Variants in GSE1 observed in about 807,000 individuals in gnomAD.
GSE1 encodes the protein Gse1 coiled-coil protein, also known as genetic suppressor element 1.
A neutral mutation model predicts 112.6 loss-of-function variants in GSE1; 32 were observed. That is an observed-to-expected ratio of 0.28 (90% CI 0.21 to 0.38). GSE1 has a LOEUF of 0.38. GSE1 is among the 10% of genes least tolerant of loss of function. The pLI is 1.00. For missense variants in GSE1, 2,348 were observed against 1,699.2 expected, an observed-to-expected ratio of 1.38 and a Z score of -6.71; for synonymous variants, 1,115 against 735.6, an observed-to-expected ratio of 1.52 and a Z score of -8.35.
At chr16:85,475,283 A>G (rs2050417121) in intron 2 of GSE1, among the ~76,000 whole-genome samples, 1 of 152,236 alleles carries the variant, frequency 6.6e-6, no homozygotes, top group Non-Finnish European at 1.5e-5. Context: ...GTGCAAGTAC[A>G]GACAAGTGCG....
intron 2 of GSE1, among the ~76,000 whole-genome samples, chr16:85,492,667 T>G (rs1269634311): frequency 1.3e-5 from 2 of 152,174 alleles, no homozygotes; most frequent in Non-Finnish European, 2.9e-5. Context: ...AGTTTCCAGA[T>G]TCAGCGCCCT....
intron 1 of GSE1, among the ~76,000 whole-genome samples, chr16:85,584,434 T>A (rs1397650905): frequency 6.6e-6 from 1 of 152,196 alleles, no homozygotes; most frequent in African/African-American, 2.4e-5. Flanking sequence ...TTATGCCGTG[T>A]TTGTTTCAGT....
intron 2 of GSE1, among the ~76,000 whole-genome samples, chr16:85,511,337 A>G (rs2151932948): frequency 6.6e-6 from 1 of 152,278 alleles, no homozygotes; most frequent in South Asian, 2.1e-4. Context: ...GACCAGCCCG[A>G]CCAACATGGA....
At chr16:85,293,726 G>A (rs1042219585) in intron 1 of GSE1, among the ~76,000 whole-genome samples, 1 of 152,114 alleles carries the variant, frequency 6.6e-6, no homozygotes, top group Non-Finnish European at 1.5e-5. Flanking sequence ...CAGTCCTTGG[G>A]GTTCCTTGGC....
intron 1 of GSE1, among the ~76,000 whole-genome samples, chr16:85,560,696 CTGTATGTA>C (rs768320675): frequency 1.3e-5 from 2 of 152,052 alleles, no homozygotes; most frequent in African/African-American, 2.4e-5. Context: ...AAACCTTCCT[CTGTATGTA>C]TGTATGTATG....
intron 2 of GSE1, among the ~76,000 whole-genome samples, 178 bp from the exon 3 acceptor site, chr16:85,648,374 G>A (rs2051057378): frequency 6.6e-6 from 1 of 152,088 alleles, no homozygotes; most frequent in African/African-American, 2.4e-5. Flanking sequence ...ACCCGATCGG[G>A]CCTCAGGAGA....
At chr16:85,325,685 C>G (rs140257444) in intron 1 of GSE1, among the ~76,000 whole-genome samples, 1 of 151,918 alleles carries the variant, frequency 6.6e-6, no homozygotes. Context: ...CTCCTGACCT[C>G]GGGTGATCCA....
intron 14 of GSE1, 70 bp downstream of exon 14, chr16:85,668,494 A>G: frequency 9.5e-7 from 1 of 1,057,214 alleles, no homozygotes; most frequent in Non-Finnish European, 1.4e-6. Context: ...CTGAGTGATG[A>G]GTTCATGCAG....
chr16:85,555,968 G>A, exon 1 of GSE1: 1 of 980,392 alleles, frequency 1.0e-6, no homozygotes, highest in South Asian at 4.7e-5. Context: ...TTTTTTATTT[G>A]CATCTCAAGT....
intron 2 of GSE1, among the ~76,000 whole-genome samples, chr16:85,403,591 A>G (rs2048170023): frequency 6.6e-6 from 1 of 151,906 alleles, no homozygotes; most frequent in Non-Finnish European, 1.5e-5. Flanking sequence ...GGAGTTTGAC[A>G]CCAGCCTGGG....
At chr16:85,351,101 T>C (rs1449597402) in intron 1 of GSE1, among the ~76,000 whole-genome samples, 8 of 152,168 alleles carry the variant, frequency 5.3e-5, no homozygotes, top group Non-Finnish European at 8.8e-5. Context: ...ATCACTCTGC[T>C]AAGATCTCCC....
Position 85,676,073 on chromosome 16 carries a change from C to G in GSE1, c.*3534C>G, listed in dbSNP as rs2053658169. The G allele has an allele frequency of 6.6e-6, 1 of 152,646 alleles. No individual in the cohort carries two copies. The highest frequency in any genetic ancestry group is 2.4e-5 in the African/African-American group (1 of 41,458). 9.5% of individuals were successfully genotyped at this position (152,646 alleles called of 1,614,324 possible). A position where few individuals can be genotyped will look rare whatever the true frequency, so the allele number is the denominator to read the frequency against. ...CAGTTTAGATGCTGTGAAATTAAAC[C>G]TGTTCTAAGTGTACTTGTTTGAATT... is the stretch of plus-strand genomic sequence containing the variant. On this transcript the variant is annotated 3_prime_UTR_variant, in exon 16 of 16. Coordinates refer to ENST00000253458, the MANE Select transcript of GSE1 (RefSeq NM_014615.5).
At position 85,675,500 on chromosome 16, in the gene GSE1, G is replaced by A. The variant is rs2053632353; in HGVS notation, c.*2961G>A. On this transcript the variant is annotated 3_prime_UTR_variant, in exon 16 of 16. Transcript: ENST00000253458. ...TCTAATCTTAAAGGAATAAAGCACT[G>A]AATTGGGACTAACATTCTGATAGGT... The A allele has an allele frequency of 6.6e-6, 1 of 152,190 alleles. No homozygotes were observed. The highest frequency in any genetic ancestry group is 1.5e-5 in the Non-Finnish European group (1 of 68,038). The allele number at this position is 152,190 out of a possible 1,614,324, so 9.4% of individuals were successfully genotyped here. A position where few individuals can be genotyped will look rare whatever the true frequency, so the allele number is the denominator to read the frequency against.
chr16:85,359,222 T>G (rs1406828954), intron 2 of GSE1: 1 of 363,196 alleles, frequency 2.8e-6, no homozygotes, highest in Non-Finnish European at 5.5e-6. Flanking sequence ...CCCCTGTGCC[T>G]AGGGCAGGCC....
chr16:85,331,308 A>G (rs1344470144), intron 1 of GSE1, among the ~76,000 whole-genome samples: 1 of 142,824 alleles, frequency 7.0e-6, no homozygotes, highest in Non-Finnish European at 1.5e-5. Flanking sequence ...ACATGCCACC[A>G]TGCCCAGCTA....
chr16:85,351,230 C>A (rs752594356), intron 1 of GSE1, among the ~76,000 whole-genome samples: 1 of 152,190 alleles, frequency 6.6e-6, no homozygotes, highest in Admixed American at 6.5e-5. Flanking sequence ...GAACAGCCAA[C>A]CAGTTCCTGC....
chr16:85,465,490 C>A lies in GSE1; in HGVS notation c.2464+107847C>A, dbSNP rs1444036061. Among the ~76,000 whole-genome samples, 4 of 152,200 alleles carry A rather than the reference C, an allele frequency of 2.6e-5. No individual in the cohort carries two copies. In the South Asian group the frequency reaches 8.3e-4, roughly 31 times the overall value. ...CCATGGGGATGGCAGGACTGCCCTGCTAGGGGTAAGTGCATCAGTCCAGTT... is the reference window on the plus strand; with the variant it reads ...CCATGGGGATGGCAGGACTGCCCTGATAGGGGTAAGTGCATCAGTCCAGTT... On this transcript the variant is annotated intron_variant, in intron 2 of 2. Coordinates refer to the GSE1 transcript ENST00000637419.
At chr16:85,312,688 G>A (rs1326417844) in intron 1 of GSE1, among the ~76,000 whole-genome samples, 1 of 152,098 alleles carries the variant, frequency 6.6e-6, no homozygotes, top group Non-Finnish European at 1.5e-5. Context: ...GAAGAAGCAG[G>A]GAGGGGGAGG....
chr16:85,397,976 C>T (rs1184676731), intron 2 of GSE1, among the ~76,000 whole-genome samples: 8 of 128,238 alleles, frequency 6.2e-5, no homozygotes, highest in Non-Finnish European at 1.1e-4. Flanking sequence ...AGTTCCGAAT[C>T]GTGGGGGTGG....
Sources: allele counts gnomAD v4.1 joint callset (sites outside exome capture counted in the v4.1 genomes callset), GRCh38; gene constraint gnomAD v4.1.1; transcripts MANE v1.5; gene names NCBI Gene and HGNC (gene_info 2026-07-23, HGNC 2026-07-21).